The following KLHL4 variants were observed in gnomAD, a reference collection of about 807,000 sequenced individuals.
KLHL4 encodes kelch-like protein 4.
KLHL4 carries 17 observed loss-of-function variants against 45.8 expected under a neutral mutation model. The observed-to-expected ratio is 0.37, with a 90% confidence interval of 0.25 to 0.56. The LOEUF (loss-of-function observed/expected upper bound fraction) is 0.56, where lower values mean the gene tolerates loss of function less well. Ranked by LOEUF, KLHL4 falls within the 20% of genes least tolerant of loss-of-function variation. The pLI, the probability that KLHL4 is intolerant of heterozygous loss-of-function variation, is 0.79. For missense variants in KLHL4, 544 were observed against 544.9 expected (o/e 1.00, Z 0.02); for synonymous variants, 224 against 189.9 (o/e 1.18, Z -1.47).
intron 4 of KLHL4, among the ~76,000 whole-genome samples, chrX:87,621,578 T>A (rs889357914): frequency 7.3e-5 from 8 of 108,987 alleles, no homozygotes; most frequent in African/African-American, 2.7e-4. Context: ...TTAAAAGACA[T>A]CCTCACTCTT....
At chrX:87,557,927 C>G (rs919404405) in intron 1 of KLHL4, among the ~76,000 whole-genome samples, 1 of 111,019 alleles carries the variant, frequency 9.0e-6, no homozygotes, top group Admixed American at 9.6e-5. Flanking sequence ...TTCTATTGGT[C>G]ATTAAGAATT....
intron 9 of KLHL4, among the ~76,000 whole-genome samples, chrX:87,637,639 T>C (rs1470210234): frequency 9.0e-6 from 1 of 111,438 alleles, no homozygotes; most frequent in Non-Finnish European, 1.9e-5. Context: ...TCCAGTGAAA[T>C]AGATAGCATA....
intron 1 of KLHL4, among the ~76,000 whole-genome samples, chrX:87,556,055 C>A (rs759757245): frequency 9.1e-6 from 1 of 110,444 alleles, no homozygotes; most frequent in African/African-American, 3.3e-5. Context: ...ATCCTGAGTT[C>A]TAGTTTGATT....
chrX:87,560,305 T>G (rs1437977027), intron 1 of KLHL4, among the ~76,000 whole-genome samples: 2 of 112,045 alleles, frequency 1.8e-5, no homozygotes, highest in African/African-American at 6.5e-5. Flanking sequence ...TTTTTGGAGA[T>G]TACTTCCTCT....
At chrX:87,557,126 G>A (rs1931996269) in intron 1 of KLHL4, among the ~76,000 whole-genome samples, 1 of 111,996 alleles carries the variant, frequency 8.9e-6, no homozygotes, top group Admixed American at 9.5e-5. Flanking sequence ...TTGATTTTTA[G>A]AATAAACTGT....
intron 10 of KLHL4, among the ~76,000 whole-genome samples, chrX:87,665,940 C>T (rs1036177035): frequency 1.4e-4 from 16 of 110,879 alleles, no homozygotes; most frequent in African/African-American, 4.6e-4. Context: ...AACCAGAAAT[C>T]GAAGGAAAAA....
intron 9 of KLHL4, among the ~76,000 whole-genome samples, chrX:87,652,573 G>A (rs960457054): frequency 1.1e-4 from 12 of 111,755 alleles, no homozygotes; most frequent in African/African-American, 2.9e-4. Flanking sequence ...AACAAAACAC[G>A]AGTCACCTTT....
intron 1 of KLHL4, among the ~76,000 whole-genome samples, chrX:87,537,061 G>A (rs1257329741): frequency 9.0e-6 from 1 of 111,452 alleles, no homozygotes; most frequent in East Asian, 2.8e-4. Flanking sequence ...GTTTATATTT[G>A]TCTATAATTG....
intron 9 of KLHL4, among the ~76,000 whole-genome samples, chrX:87,642,145 C>T (rs1211904302): frequency 9.0e-6 from 1 of 110,626 alleles, no homozygotes; most frequent in Non-Finnish European, 1.9e-5. Context: ...CCATTGCACC[C>T]CCTGCCACCT....
intron 1 of KLHL4, among the ~76,000 whole-genome samples, chrX:87,571,050 CTG>C (rs1457254166): frequency 7.2e-5 from 8 of 110,691 alleles, no homozygotes; most frequent in Non-Finnish European, 1.3e-4. Context: ...TTTAAGCAAA[CTG>C]TTATTTATTT....
intron 1 of KLHL4, among the ~76,000 whole-genome samples, chrX:87,597,354 G>C (rs2147803673): frequency 9.0e-6 from 1 of 110,621 alleles, no homozygotes; most frequent in Admixed American, 9.6e-5. Context: ...ACCCTTCTTT[G>C]ATAAAAACAA....
chrX:87,575,948 T>C (rs1334941549), intron 1 of KLHL4, among the ~76,000 whole-genome samples: 4 of 111,936 alleles, frequency 3.6e-5, no homozygotes, highest in Non-Finnish European at 7.5e-5. Flanking sequence ...TCAGATAAGG[T>C]CCATAAGTTA....
chrX:87,578,045 C>A (rs753083095), intron 1 of KLHL4, among the ~76,000 whole-genome samples: 42 of 111,198 alleles, frequency 3.8e-4, no homozygotes, highest in African/African-American at 1.3e-3. Flanking sequence ...GGTTCTAATT[C>A]ATTGCAAAAT....
At chrX:87,574,627 GTAAA>G (rs1343434730) in intron 1 of KLHL4, among the ~76,000 whole-genome samples, 1 of 111,207 alleles carries the variant, frequency 9.0e-6, no homozygotes, top group Admixed American at 9.6e-5. Flanking sequence ...AAATTCATAA[GTAAA>G]TAAATTCAAT....
At chrX:87,585,268 A>G (rs1462455425) in intron 1 of KLHL4, among the ~76,000 whole-genome samples, 2 of 111,778 alleles carry the variant, frequency 1.8e-5, no homozygotes, top group African/African-American at 6.5e-5. Context: ...ATATAAAGAC[A>G]TTAATGATCA....
At chrX:87,636,421 CG>C (rs1923265178) in intron 9 of KLHL4, among the ~76,000 whole-genome samples, 1 of 111,603 alleles carries the variant, frequency 9.0e-6, no homozygotes, top group East Asian at 2.8e-4. Flanking sequence ...AGAACCATAT[CG>C]TGAACTTTTG....
At chrX:87,524,900 G>A (rs186118623) in intron 1 of KLHL4, among the ~76,000 whole-genome samples, 9 of 111,679 alleles carry the variant, frequency 8.1e-5, no homozygotes, top group Non-Finnish European at 1.3e-4. Flanking sequence ...GGTTATCTGC[G>A]TGAATCAATT....
intron 1 of KLHL4, among the ~76,000 whole-genome samples, chrX:87,584,714 C>T (rs981982992): frequency 1.1e-4 from 12 of 109,910 alleles, no homozygotes; most frequent in African/African-American, 4.0e-4. Context: ...AGCACACCTT[C>T]AGAAACCAGA....
chrX:87,656,204 T>C (rs1406995642), intron 9 of KLHL4, among the ~76,000 whole-genome samples: 1 of 111,144 alleles, frequency 9.0e-6, no homozygotes, highest in African/African-American at 3.3e-5. Flanking sequence ...GTTTTTTGAG[T>C]TTCTTGTATC....
Sources: allele counts gnomAD v4.1 joint callset (sites outside exome capture counted in the v4.1 genomes callset), GRCh38; gene constraint gnomAD v4.1.1; transcripts MANE v1.5; gene names NCBI Gene and HGNC (gene_info 2026-07-23, HGNC 2026-07-21).